Variants in ZNF521 observed in about 807,000 individuals in gnomAD.
ZNF521 encodes the protein LYST-interacting protein 3.
In ZNF521, 14 loss-of-function variants were observed where a neutral mutation model predicts 105.5. The ratio of observed to expected loss-of-function variants is 0.13; its 90% CI spans 0.09 to 0.21. The LOEUF (loss-of-function observed/expected upper bound fraction) is 0.21. Ranked by LOEUF, ZNF521 falls within the 10% of genes least tolerant of loss-of-function variation. The pLI is 1.00. For missense variants in ZNF521, 1,233 were observed against 1,629.7 expected (o/e 0.76, Z 4.19); for synonymous variants, 635 against 606.0 (o/e 1.05, Z -0.70).
At chr18:25,325,847 T>TGTTATA (rs1913187263) in intron 2 of ZNF521, among the ~76,000 whole-genome samples, 1 of 152,222 alleles carries the variant, frequency 6.6e-6, no homozygotes, top group Admixed American at 6.5e-5. Context: ...TACTTATAAA[T>TGTTATA]AGGAATGTAA....
chr18:25,074,976 A>G (rs1018595172), intron 7 of ZNF521, among the ~76,000 whole-genome samples: 1 of 152,224 alleles, frequency 6.6e-6, no homozygotes, highest in Non-Finnish European at 1.5e-5. Context: ...CAATAAAGCA[A>G]TATAATTAAA....
At chr18:25,331,626 CTGTT>C (rs1482385977) in intron 2 of ZNF521, among the ~76,000 whole-genome samples, 2 of 152,178 alleles carry the variant, frequency 1.3e-5, no homozygotes, top group East Asian at 3.8e-4. Context: ...CTTACACCAA[CTGTT>C]TGTATTTTTT....
At chr18:25,197,403 G>T (rs2035920769) in intron 4 of ZNF521, among the ~76,000 whole-genome samples, 1 of 151,410 alleles carries the variant, frequency 6.6e-6, no homozygotes, top group South Asian at 2.1e-4. Flanking sequence ...ATGTGTTAAG[G>T]GTTTTCTTTT....
At chr18:25,165,541 G>T (rs12961010) in intron 5 of ZNF521, among the ~76,000 whole-genome samples, 22,237 of 152,234 alleles carry the variant, frequency 0.15, 1,714 homozygotes, top group Middle Eastern at 0.21. Flanking sequence ...CAGAGCACAT[G>T]CATGACTTTT....
At chr18:25,185,807 A>G (rs1221210478) in intron 5 of ZNF521, among the ~76,000 whole-genome samples, 1 of 152,162 alleles carries the variant, frequency 6.6e-6, no homozygotes, top group East Asian at 1.9e-4. Context: ...ACGGAAGAAG[A>G]GGTAGCAGGA....
chr18:25,098,506 A>T (rs557223428), intron 5 of ZNF521, among the ~76,000 whole-genome samples: 2 of 152,086 alleles, frequency 1.3e-5, no homozygotes, highest in South Asian at 4.2e-4. Flanking sequence ...AATCACTTTG[A>T]TTCTTCCTCT....
At chr18:25,092,359 G>A (rs1194458411) in intron 5 of ZNF521, among the ~76,000 whole-genome samples, 1 of 152,088 alleles carries the variant, frequency 6.6e-6, no homozygotes, top group Non-Finnish European at 1.5e-5. Context: ...TATCAATAAT[G>A]AGGCATTTCC....
At chr18:25,351,465 C>T (rs1174996935) in intron 1 of ZNF521, 1 of 150,694 alleles carries the variant, frequency 6.6e-6, no homozygotes, top group Non-Finnish European at 1.5e-5. Context: ...CGCCCCCCCC[C>T]CCACCGGAAA....
In ZNF521 at chr18:25,346,904, C is replaced by T. The variant is rs545402142; in HGVS notation, c.40+4003G>A. On this transcript the variant is annotated intron_variant, in intron 2 of 7. Coordinates refer to ENST00000361524, the MANE Select transcript of ZNF521 (RefSeq NM_015461.3). ...TAAATGACTAAGTGCTCCCCTCTCTCCTTCCCAGCTTTATAACTTGGCTCT... is the reference window on the plus strand; with the variant it reads ...TAAATGACTAAGTGCTCCCCTCTCTTCTTCCCAGCTTTATAACTTGGCTCT... Among the ~76,000 whole-genome samples the T allele has an allele frequency of 2.6e-5, 4 of 152,282 alleles. No homozygotes were observed. The East Asian group carries it at 7.7e-4, about 29-fold the overall frequency.
intron 7 of ZNF521, 96 bp downstream of exon 7, chr18:25,089,369 G>A: frequency 1.1e-6 from 1 of 912,786 alleles, no homozygotes; most frequent in Non-Finnish European, 1.7e-6. Flanking sequence ...TGGTGGCCCA[G>A]GGTGAGTGAT....
chr18:25,141,005 C>T (rs141774054), intron 5 of ZNF521, among the ~76,000 whole-genome samples: 2,340 of 152,268 alleles, frequency 0.015, 32 homozygotes, highest in Non-Finnish European at 0.022. Context: ...GGCACTCTCG[C>T]TTCTTCAAGA....
At chr18:25,164,565 T>C (rs1337657662) in intron 5 of ZNF521, among the ~76,000 whole-genome samples, 1 of 152,250 alleles carries the variant, frequency 6.6e-6, no homozygotes, top group Non-Finnish European at 1.5e-5. Flanking sequence ...CATGCGGGTA[T>C]AGCAATGCTA....
At chr18:25,203,013 CTTTACATCAT>C (rs2036018486) in intron 4 of ZNF521, among the ~76,000 whole-genome samples, 1 of 152,174 alleles carries the variant, frequency 6.6e-6, no homozygotes, top group Admixed American at 6.5e-5. Context: ...CCATGTAACA[CTTTACATCAT>C]GCCTGGCACA....
intron 6 of ZNF521, among the ~76,000 whole-genome samples, chr18:25,090,295 A>G (rs896001052): frequency 7.2e-5 from 11 of 152,086 alleles, no homozygotes; most frequent in Admixed American, 7.2e-4. Flanking sequence ...CTGTGACCTA[A>G]AAAAGTTTGC....
chr18:25,224,914 C>A lies in ZNF521; in HGVS notation c.3004G>T (p.Glu1002Ter). ...TGCATTTGGCAATGCTCTAAAAACT[C>A]CTCTTCACTCTGGAGAGGCATCTTG... ...ICKMPLQSEEEFLEHCQMHPD... is the reference protein window; with the variant it reads ...ICKMPLQSEE Residue 1002 changes from glutamate (E) to a stop codon, truncating the protein, a stop_gained, in exon 4 of 8, where the codon GAG (glutamate) becomes TAG (stop). Coordinates refer to ENST00000361524, the MANE Select transcript of ZNF521 (RefSeq NM_015461.3). LOFTEE classifies it high-confidence loss of function. 6.2e-7 allele frequency: 1 copy of A among 1,613,964 alleles called. No individual in the cohort carries two copies. The highest frequency in any genetic ancestry group is 8.5e-7 in the Non-Finnish European group (1 of 1,180,012).
At chr18:25,157,710 C>T (rs1053281386) in intron 5 of ZNF521, among the ~76,000 whole-genome samples, 3 of 152,142 alleles carry the variant, frequency 2.0e-5, no homozygotes, top group African/African-American at 7.2e-5. Context: ...CAGTTCAAAT[C>T]CTGCCAACTA....
chr18:25,248,464 C>T (rs1280589817), intron 3 of ZNF521, among the ~76,000 whole-genome samples: 1 of 152,204 alleles, frequency 6.6e-6, no homozygotes, highest in Non-Finnish European at 1.5e-5. Flanking sequence ...CAGTGGCAGT[C>T]TTAAAACGTA....
At chr18:25,090,302 T>A (rs1020958039) in intron 6 of ZNF521, among the ~76,000 whole-genome samples, 5 of 152,190 alleles carry the variant, frequency 3.3e-5, no homozygotes, top group Non-Finnish European at 7.3e-5. Flanking sequence ...CTAAAAAAGT[T>A]TGCATCTACA....
chr18:25,202,201 A>C (rs2144656797), intron 4 of ZNF521: 1 of 152,370 alleles, frequency 6.6e-6, no homozygotes, highest in Admixed American at 6.5e-5. Context: ...TATTAAATAT[A>C]GCTTTAAAAA....
Sources: gnomAD v4.1 joint callset for allele counts (sites outside exome capture counted in the v4.1 genomes callset) on GRCh38, gnomAD v4.1.1 for gene constraint, MANE v1.5 for transcripts, NCBI Gene and HGNC (gene_info 2026-07-23, HGNC 2026-07-21) for gene names.